The following WRN variants were observed in gnomAD, a reference collection of about 807,000 sequenced individuals.
WRN encodes the protein WRN RecQ like helicase.
Under a neutral mutation model 180.7 loss-of-function variants are expected in WRN, and 149 were observed. The observed-to-expected ratio is 0.82, with a 90% CI of 0.72 to 0.94. The LOEUF (loss-of-function observed/expected upper bound fraction) is 0.94. Ranked by LOEUF, WRN falls within the 40% of genes least tolerant of loss-of-function variation. The pLI, the probability that WRN is intolerant of heterozygous loss-of-function variation, is 0.00. For synonymous variants in WRN, 548 were observed against 568.9 expected (o/e 0.96, Z 0.52); for missense variants, 1,661 against 1,700.1 (o/e 0.98, Z 0.40).
chr8:31,039,273 G>A (rs773737415), intron 1 of WRN, among the ~76,000 whole-genome samples: 2 of 152,058 alleles, frequency 1.3e-5, no homozygotes, highest in Admixed American at 1.3e-4. Flanking sequence ...CAGAGTACAC[G>A]TTTTTCACCT....
At chr8:31,046,972 T>C (rs748663365) in intron 1 of WRN, among the ~76,000 whole-genome samples, 2 of 152,196 alleles carry the variant, frequency 1.3e-5, no homozygotes, top group Non-Finnish European at 2.9e-5. Flanking sequence ...TTGAACTTAC[T>C]ATGTAAGATT....
intron 12 of WRN, among the ~76,000 whole-genome samples, chr8:31,088,397 A>G (rs780136161): frequency 1.1e-4 from 17 of 152,132 alleles, no homozygotes; most frequent in Non-Finnish European, 2.5e-4. Context: ...ACTTTTCCTA[A>G]CTAAATGACA....
intron 34 of WRN, among the ~76,000 whole-genome samples, chr8:31,172,543 T>C (rs981510047): frequency 2.0e-5 from 3 of 152,252 alleles, no homozygotes; most frequent in African/African-American, 7.2e-5. Context: ...AGGGTGCTGA[T>C]TGGACCAGTC....
chr8:31,114,487 A>C (rs982635330), intron 19 of WRN, among the ~76,000 whole-genome samples: 4 of 152,214 alleles, frequency 2.6e-5, no homozygotes, highest in African/African-American at 9.7e-5. Context: ...TATCTGTTAC[A>C]TAAGTTCAAA....
intron 32 of WRN, among the ~76,000 whole-genome samples, chr8:31,155,554 A>G (rs1803350686): frequency 6.7e-6 from 1 of 149,542 alleles, no homozygotes; most frequent in Non-Finnish European, 1.5e-5. Context: ...CCCAGGAGGC[A>G]GAGGTTGCAG....
intron 21 of WRN, among the ~76,000 whole-genome samples, chr8:31,122,211 C>G (rs1801750562): frequency 6.6e-6 from 1 of 151,820 alleles, no homozygotes; most frequent in Non-Finnish European, 1.5e-5. Context: ...TGCATCAATC[C>G]TGAGGAAACT....
intron 5 of WRN, among the ~76,000 whole-genome samples, chr8:31,066,701 A>T (rs569093839): frequency 6.6e-6 from 1 of 152,056 alleles, no homozygotes; most frequent in African/African-American, 2.4e-5. Flanking sequence ...CACATATTTT[A>T]TTAATGAAGT....
intron 1 of WRN, among the ~76,000 whole-genome samples, chr8:31,043,184 T>C (rs774699945): frequency 2.0e-5 from 3 of 152,230 alleles, no homozygotes; most frequent in Non-Finnish European, 4.4e-5. Context: ...CTTGTATGCT[T>C]GTAAGATGGC....
At chr8:31,067,001 A>T in intron 5 of WRN, 32 bp from the exon 6 acceptor site, 1 of 1,612,586 alleles carries the variant, frequency 6.2e-7, no homozygotes, top group Non-Finnish European at 8.5e-7. Context: ...ACAGGAACTG[A>T]TTTTACTGTG....
chr8:31,139,999 CTTTGTTT>C (rs1802548672), intron 24 of WRN, among the ~76,000 whole-genome samples: 2 of 74,766 alleles, frequency 2.7e-5, no homozygotes, highest in African/African-American at 5.3e-5. Flanking sequence ...TTGTATACTT[CTTTGTTT>C]TTTTTTTTTT....
intron 1 of WRN, among the ~76,000 whole-genome samples, chr8:31,051,266 A>T (rs1812068701): frequency 6.6e-6 from 1 of 152,120 alleles, no homozygotes; most frequent in Non-Finnish European, 1.5e-5. Flanking sequence ...TGGCCTCTTG[A>T]GACTGGTGTT....
chr8:31,145,175 A>T (rs1802810249), intron 28 of WRN, among the ~76,000 whole-genome samples: 1 of 152,218 alleles, frequency 6.6e-6, no homozygotes, highest in Non-Finnish European at 1.5e-5. Flanking sequence ...CAGACTTTGA[A>T]TGTAGACCAA....
intron 1 of WRN, among the ~76,000 whole-genome samples, chr8:31,057,864 T>TA (rs1345165352): frequency 2.0e-5 from 3 of 152,226 alleles, no homozygotes; most frequent in African/African-American, 7.2e-5. Flanking sequence ...AACAGATTTT[T>TA]AAAAAATCCT....
rs762685242 is a variant in WRN, at chr8:31,150,350, G to T, written c.3582G>T (p.Thr1194=). The change falls in exon 31 of 35, where the codon ACG becomes ACT. Residue 1194 remains threonine, a synonymous_variant. Transcript: ENST00000298139. ...LVDMAKMRPT[T]VENVKRIDGV... Reference sequence around the variant, plus strand: ...TTGTTGTTAAACACAGACCAACTACGGTTGAAAACGTAAAAAGGATTGATG... The same window carrying T: ...TTGTTGTTAAACACAGACCAACTACTGTTGAAAACGTAAAAAGGATTGATG... 8 of 1,613,740 alleles carry T rather than the reference G, an allele frequency of 5.0e-6. No individual in the cohort carries two copies. Among genetic ancestry groups the T allele is most frequent in the South Asian group, 1.1e-5 (1 of 91,064 alleles).
chr8:31,066,926 T>C (rs1812728087), intron 5 of WRN, 107 bp from the exon 6 acceptor site: 2 of 1,380,242 alleles, frequency 1.4e-6, no homozygotes, highest in Non-Finnish European at 2.0e-6. Context: ...GGTTGTATTT[T>C]GGTATAACAT....
chr8:31,041,016 T>C (rs68016251), intron 1 of WRN, among the ~76,000 whole-genome samples: 16,696 of 152,140 alleles, frequency 0.11, 1,133 homozygotes, highest in African/African-American at 0.19. Context: ...GTAGGAGTAC[T>C]GATAGTTCAT....
chr8:31,065,458 C>T (rs1257127993), intron 5 of WRN, among the ~76,000 whole-genome samples: 1 of 152,176 alleles, frequency 6.6e-6, no homozygotes, highest in Non-Finnish European at 1.5e-5. Flanking sequence ...TATCATTTAG[C>T]TCCCACTTAT....
Position 31,143,599 on chromosome 8 carries a change from C to T in WRN, c.3359C>T (p.Ser1120Phe), listed in dbSNP as rs746361330. Residue 1120 changes from serine (S) to phenylalanine (F), a missense_variant, in exon 28 of 35, where the codon TCT becomes TTT. By Grantham distance (155) the Ser-to-Phe change is radical. Transcript: ENST00000298139. ...TATAAACCATGTGATAAGATTTCTT[C>T]TGGGAGTAACATTTCTAAAAAAAGG... is the stretch of plus-strand genomic sequence containing the variant. ...YSYKPCDKIS[S>F]GSNISKKSIM... The T allele has an allele frequency of 1.3e-6, 2 of 1,589,370 alleles. No individual in the cohort carries two copies. Among genetic ancestry groups the T allele is most frequent in the Non-Finnish European group, 1.7e-6 (2 of 1,158,898 alleles).
At chr8:31,035,707 A>G (rs1204493804) in intron 1 of WRN, among the ~76,000 whole-genome samples, 1 of 152,182 alleles carries the variant, frequency 6.6e-6, no homozygotes, top group Non-Finnish European at 1.5e-5. Flanking sequence ...TATCTGGCCA[A>G]TTCCACTCAG....
Sources: gnomAD v4.1 joint callset for allele counts (sites outside exome capture counted in the v4.1 genomes callset) on GRCh38, gnomAD v4.1.1 for gene constraint, MANE v1.5 for transcripts, NCBI Gene and HGNC (gene_info 2026-07-23, HGNC 2026-07-21) for gene names.